ADAMTS2: variants seen among roughly 807,000 people sequenced by gnomAD.
ADAMTS2 encodes A disintegrin and metalloproteinase with thrombospondin motifs 2.
Under a neutral mutation model 123.0 loss-of-function variants are expected in ADAMTS2, and 50 were observed. The ratio of observed to expected loss-of-function variants is 0.41; its 90% CI spans 0.32 to 0.51. The LOEUF is 0.51. Among genes scored for constraint, ADAMTS2 ranks in the 20% least tolerant of loss-of-function variants. ADAMTS2 has a pLI of 0.35. For missense variants in ADAMTS2, 1,494 were observed against 1,705.2 expected (o/e 0.88, Z 2.18); for synonymous variants, 678 against 695.4 (o/e 0.98, Z 0.39).
chr5:179,112,893 G>A lies in ADAMTS2; in HGVS notation c.*974C>T, dbSNP rs777463259. ...CCTGGAAGGCAGCCGGCAAGGCCAG[G>A]GTTAGTGGACAGGGGAGAGGCCTGG... On this transcript the variant is annotated 3_prime_UTR_variant, in exon 22 of 22. Coordinates refer to ENST00000251582, the MANE Select transcript of ADAMTS2 (RefSeq NM_014244.5). The A allele has an allele frequency of 1.3e-5, 2 of 152,496 alleles. No individual in the cohort carries two copies. Among genetic ancestry groups the A allele is most frequent in the Non-Finnish European group, 1.5e-5 (1 of 68,162 alleles). 9.4% of individuals were successfully genotyped at this position (152,496 alleles called of 1,614,324 possible).
In ADAMTS2 at chr5:179,158,678, A is replaced by G. The variant is rs1448734146; in HGVS notation, c.1132+45T>C. The G allele has an allele frequency of 6.2e-7, 1 of 1,613,466 alleles. No homozygotes were observed. Among genetic ancestry groups the G allele is most frequent in the Non-Finnish European group, 8.5e-7 (1 of 1,179,938 alleles). The stretch of plus-strand genomic sequence containing the variant: ...GGGCCCCTTGCATGGCCAGGGGCTC[A>G]TTTCCAGCTTCACGCCTCTGTGGCC... On this transcript the variant is annotated intron_variant, in intron 6 of 21. Transcript: ENST00000251582. This position sits in a 1 kb window ranked among gnomAD's most constrained non-coding sequence, Gnocchi z 5.0.
At position 179,198,139 on chromosome 5, in the gene ADAMTS2, C is replaced by T. The variant is rs530113247; in HGVS notation, c.891+9374G>A. 3.9e-5 allele frequency among the ~76,000 whole-genome samples: 6 copies of T among 152,168 alleles called. No individual in the cohort carries two copies. In the South Asian group the frequency reaches 8.3e-4, roughly 21 times the overall value. ...CATGACAGTGGTCTCCCAATGCCCT[C>T]GGGGGCGGGGGGCGGGCCTGGGCAG... On this transcript the variant is annotated intron_variant, in intron 4 of 21. Coordinates refer to ENST00000251582, the MANE Select transcript of ADAMTS2 (RefSeq NM_014244.5).
At chr5:179,152,093 T>G (rs756779330) in intron 10 of ADAMTS2, 49 bp downstream of exon 10, 4 of 1,555,468 alleles carry the variant, frequency 2.6e-6, no homozygotes, top group Non-Finnish European at 3.5e-6. Flanking sequence ...CACCTAAGAT[T>G]CCTGTCCTCT....
At chr5:179,149,869 C>G (rs1231134597) in intron 10 of ADAMTS2, among the ~76,000 whole-genome samples, 2 of 152,164 alleles carry the variant, frequency 1.3e-5, no homozygotes, top group Non-Finnish European at 2.9e-5. Flanking sequence ...CTCTGCCCCT[C>G]AGTCAGCACA....
chr5:179,189,556 A>C lies in ADAMTS2; in HGVS notation c.892-8401T>G, dbSNP rs1764255761. ...TTTTTTTTAGTAGAGGCAGGGTTTC[A>C]CAATGTTAGCCAGGATGGTCTTGAT... On this transcript the variant is annotated intron_variant, in intron 4 of 21. Coordinates refer to ENST00000251582, the MANE Select transcript of ADAMTS2 (RefSeq NM_014244.5). This position sits in a 1 kb window ranked among gnomAD's most constrained non-coding sequence, Gnocchi z 4.2. Among the ~76,000 whole-genome samples the C allele has an allele frequency of 8.9e-6, 1 of 111,988 alleles. No individual in the cohort carries two copies. The highest frequency in any genetic ancestry group is 3.6e-5 in the African/African-American group (1 of 27,722). 73.5% of individuals were successfully genotyped at this position (111,988 alleles called of 152,430 possible). A position where few individuals can be genotyped will look rare whatever the true frequency, so the allele number is the denominator to read the frequency against.
rs886301364 is a variant in ADAMTS2 at position 179,115,153 on chromosome 5, A to T, written c.3179-829T>A. On this transcript the variant is annotated intron_variant, in intron 21 of 21. Transcript: ENST00000251582. This position sits in a 1 kb window ranked among gnomAD's most constrained non-coding sequence, Gnocchi z 4.4. ...GTCATCTGTGGTCCAGCTTACATGG[A>T]GAGCCCCGACTCTCCACAGAAGCCA... is the stretch of plus-strand genomic sequence containing the variant. Among the ~76,000 whole-genome samples, 5 of 152,144 alleles carry T rather than the reference A, an allele frequency of 3.3e-5. No homozygotes were observed. The highest frequency in any genetic ancestry group is 6.5e-5 in the Admixed American group (1 of 15,278).
rs145931736 is a variant in ADAMTS2 at position 179,295,366 on chromosome 5, GGA to G, written c.535-22304_535-22303del. ...GGCACCGACAGGAAACCAGGGCTGGGGAGAGAGACAGAAGGTTTTATTTCTCC... is the reference window on the plus strand; with the variant it reads ...GGCACCGACAGGAAACCAGGGCTGGGGAGAGACAGAAGGTTTTATTTCTCC... On this transcript the variant is annotated intron_variant, in intron 2 of 21. Transcript: ENST00000251582. Among the ~76,000 whole-genome samples, 288 of 152,256 alleles carry G rather than the reference GGA, an allele frequency of 1.9e-3. 7 individuals are homozygous for G. In the East Asian group the frequency reaches 0.051, roughly 27 times the overall value.
At chr5:179,254,298 A>G (rs1382257165) in intron 3 of ADAMTS2, among the ~76,000 whole-genome samples, 3 of 152,228 alleles carry the variant, frequency 2.0e-5, no homozygotes, top group Non-Finnish European at 4.4e-5. Context: ...CAAAGGCCAC[A>G]TATTATCAAT....
At position 179,137,803 on chromosome 5, in the gene ADAMTS2, G is replaced by A. The variant is rs1763091507; in HGVS notation, c.1917C>T (p.Ala639=). 6.3e-7 allele frequency: 1 copy of A among 1,579,632 alleles called. No individual in the cohort carries two copies. The highest frequency in any genetic ancestry group is 2.3e-5 in the East Asian group (1 of 42,670). Residue 639 remains alanine (A), a synonymous_variant, in exon 12 of 22, where the codon GCC becomes GCT. Coordinates refer to ENST00000251582, the MANE Select transcript of ADAMTS2 (RefSeq NM_014244.5). ...GCTCGTGGGGCAGCCAGTGGTGCTG[G>A]GCGTCGCCGTGCTCGAAGTACAGGT... is the stretch of plus-strand genomic sequence containing the variant. The part of the protein sequence containing the change: ...QWDLYFEHGD[A]QHHWLPHEHR...
intron 12 of ADAMTS2, 52 bp downstream of exon 12, chr5:179,137,710 CCTGCCCA>C: frequency 7.0e-7 from 1 of 1,436,336 alleles, no homozygotes; most frequent in Non-Finnish European, 9.5e-7. Flanking sequence ...AAGCCCCCAC[CCTGCCCA>C]CCCTAGGGCC....
rs2113534916 is a variant in ADAMTS2, at chr5:179,285,393, T to C, written c.535-12329A>G. Among the ~76,000 whole-genome samples, 1 of 152,344 alleles carries C rather than the reference T, an allele frequency of 6.6e-6. No individual in the cohort carries two copies. The highest frequency in any genetic ancestry group is 2.1e-4 in the South Asian group (1 of 4,826). On this transcript the variant is annotated intron_variant, in intron 2 of 21. Transcript: ENST00000251582. This position sits in a 1 kb window ranked among gnomAD's most constrained non-coding sequence, Gnocchi z 4.9. ...CAGCGCAGGGGCCAGCCAGGCGGCCTTCTGCTAAATCAAGCAACGCTTGAG... is the reference window on the plus strand; with the variant it reads ...CAGCGCAGGGGCCAGCCAGGCGGCCCTCTGCTAAATCAAGCAACGCTTGAG...
intron 4 of ADAMTS2, among the ~76,000 whole-genome samples, chr5:179,182,579 C>T (rs1419788639): frequency 6.6e-6 from 1 of 152,168 alleles, no homozygotes; most frequent in African/African-American, 2.4e-5. Context: ...CCGCTGGCAT[C>T]GGTGCTGGGA....
In ADAMTS2 at chr5:179,332,123, A is replaced by T. The variant is rs1757499351; in HGVS notation, c.534+11644T>A. Among the ~76,000 whole-genome samples, 1 of 152,260 alleles carries T rather than the reference A, an allele frequency of 6.6e-6. No homozygotes were observed. Among genetic ancestry groups the T allele is most frequent in the Non-Finnish European group, 1.5e-5 (1 of 68,038 alleles). On this transcript the variant is annotated intron_variant, in intron 2 of 21. Coordinates refer to ENST00000251582, the MANE Select transcript of ADAMTS2 (RefSeq NM_014244.5). The surrounding 1 kb of genome is among the most constrained non-coding windows in gnomAD (Gnocchi z 4.2). ...CTTGGAATCAGACAGACATGTGTTC[A>T]TTAATAGAACAGATCACAGAACTCA...
chr5:179,169,424 G>A (rs1415488967), intron 5 of ADAMTS2, among the ~76,000 whole-genome samples: 1 of 152,178 alleles, frequency 6.6e-6, no homozygotes, highest in Non-Finnish European at 1.5e-5. Flanking sequence ...ACAGACTAAG[G>A]CACCTCCCAA....
At chr5:179,168,957 G>C (rs532314155) in intron 5 of ADAMTS2, among the ~76,000 whole-genome samples, 8 of 152,318 alleles carry the variant, frequency 5.3e-5, no homozygotes, top group African/African-American at 1.7e-4. Flanking sequence ...CTTCCCCAAA[G>C]CCTGGGAAGC....
chr5:179,155,120 C>T lies in ADAMTS2; in HGVS notation c.1133-201G>A, dbSNP rs1763443510. The stretch of plus-strand genomic sequence containing the variant: ...TGACATCTGGCTGACAGCAGGCCCC[C>T]AGCCCGTCACCACACAAGCCCCGTG... On this transcript the variant is annotated intron_variant, in intron 6 of 21. Coordinates refer to ENST00000251582, the MANE Select transcript of ADAMTS2 (RefSeq NM_014244.5). This position sits in a 1 kb window ranked among gnomAD's most constrained non-coding sequence, Gnocchi z 5.1. Among the ~76,000 whole-genome samples, 1 of 152,242 alleles carries T rather than the reference C, an allele frequency of 6.6e-6. No homozygotes were observed. Among genetic ancestry groups the T allele is most frequent in the African/African-American group, 2.4e-5 (1 of 41,466 alleles).
rs1763600936 is a variant in ADAMTS2, at chr5:179,162,064, G to T, written c.976-3185C>A. On this transcript the variant is annotated intron_variant, in intron 5 of 21. Coordinates refer to ENST00000251582, the MANE Select transcript of ADAMTS2 (RefSeq NM_014244.5). This position sits in a 1 kb window ranked among gnomAD's most constrained non-coding sequence, Gnocchi z 5.1. The stretch of plus-strand genomic sequence containing the variant: ...GGGAAAGGGGCCTTGCTTCCTCCAG[G>T]GCACGTCTCCCAGCATCAGTGTCAA... Among the ~76,000 whole-genome samples the T allele has an allele frequency of 6.6e-6, 1 of 152,064 alleles. No homozygotes were observed. Among genetic ancestry groups the T allele is most frequent in the East Asian group, 1.9e-4 (1 of 5,180 alleles).
rs184053579 is a variant in ADAMTS2, at chr5:179,307,640, C to G, written c.535-34576G>C. Reference sequence around the variant, plus strand: ...AGCGGCTTCCCACCACATGACTGCCCCGGTCCCCGCTGATTTCTCCTTCAC... The same window carrying G: ...AGCGGCTTCCCACCACATGACTGCCGCGGTCCCCGCTGATTTCTCCTTCAC... On this transcript the variant is annotated intron_variant, in intron 2 of 21. Transcript: ENST00000251582. This position sits in a 1 kb window ranked among gnomAD's most constrained non-coding sequence, Gnocchi z 5.6. Among the ~76,000 whole-genome samples the G allele has an allele frequency of 6.6e-6, 1 of 152,190 alleles. No homozygotes were observed. The highest frequency in any genetic ancestry group is 1.5e-5 in the Non-Finnish European group (1 of 68,038).
At position 179,225,318 on chromosome 5, in the gene ADAMTS2, C is replaced by T. The variant is rs967412062; in HGVS notation, c.689-17603G>A. The stretch of plus-strand genomic sequence containing the variant: ...GCAATCCAAAAGGGAAATGGACAAA[C>T]GGTATTGATACAAAAGTGCTGGGTA... On this transcript the variant is annotated intron_variant, in intron 3 of 21. Coordinates refer to ENST00000251582, the MANE Select transcript of ADAMTS2 (RefSeq NM_014244.5). The surrounding 1 kb of genome is among the most constrained non-coding windows in gnomAD (Gnocchi z 4.5). Among the ~76,000 whole-genome samples the T allele has an allele frequency of 2.0e-5, 3 of 152,174 alleles. No individual in the cohort carries two copies. Among genetic ancestry groups the T allele is most frequent in the African/African-American group, 7.2e-5 (3 of 41,444 alleles).
Sources: allele counts gnomAD v4.1 joint callset (sites outside exome capture counted in the v4.1 genomes callset), GRCh38; gene constraint gnomAD v4.1.1; non-coding constraint Gnocchi (gnomAD v3.1); transcripts MANE v1.5; gene names NCBI Gene and HGNC (gene_info 2026-07-23, HGNC 2026-07-21).